PROM1: variants seen among roughly 807,000 people sequenced by gnomAD.
PROM1 encodes prominin 1.
PROM1 carries 105 observed loss-of-function variants against 116.9 expected under a neutral mutation model. The observed-to-expected ratio is 0.90, with a 90% confidence interval of 0.77 to 1.06. The LOEUF is 1.06. PROM1 is among the 50% of genes least tolerant of loss of function. The pLI is 0.00. For synonymous variants in PROM1, 393 were observed against 387.0 expected, an observed-to-expected ratio of 1.02 and a Z score of -0.18; for missense variants, 1,122 against 1,045.2, an observed-to-expected ratio of 1.07 and a Z score of -1.01.
At chr4:15,979,987 T>G in intron 24 of PROM1, 83 bp from the exon 25 acceptor site, 1 of 840,114 alleles carries the variant, frequency 1.2e-6, no homozygotes, top group Non-Finnish European at 1.9e-6. Flanking sequence ...AAATATTTAC[T>G]CTAACACGGA....
intron 2 of PROM1, among the ~76,000 whole-genome samples, chr4:16,060,310 C>CTT (rs5856330): frequency 0.011 from 1,555 of 146,612 alleles, 20 homozygotes; most frequent in African/African-American, 0.035. Flanking sequence ...CAAATAATTC[C>CTT]TTTTTTTTTT....
chr4:16,048,922 G>A (rs1737193276), intron 2 of PROM1, among the ~76,000 whole-genome samples: 2 of 152,198 alleles, frequency 1.3e-5, no homozygotes, highest in Admixed American at 1.3e-4. Flanking sequence ...TTCCTTTAGA[G>A]GAAGCGAGTA....
rs1723490529 is a variant in PROM1, at chr4:16,000,496, C to T, written c.1578G>A (p.Arg526=). 1 of 1,582,292 alleles carries T rather than the reference C, an allele frequency of 6.3e-7. No homozygotes were observed. The highest frequency in any genetic ancestry group is 8.7e-7 in the Non-Finnish European group (1 of 1,155,582). The change falls in exon 14 of 28, where the codon CGG becomes CGA. Residue 526 remains arginine (R), a splice_region_variant and synonymous_variant. Coordinates refer to ENST00000447510, the MANE Select transcript of PROM1 (RefSeq NM_006017.3). ...ATAATGGGTAGAAAATCATATTTAC[C>T]CGGAATAATTCCTTGCTCGTGTAAG... ...CEPYTSKELF[R]VLDTPYLLNE...
At chr4:16,073,879 A>AT (rs1187941929) in intron 2 of PROM1, among the ~76,000 whole-genome samples, 3 of 152,288 alleles carry the variant, frequency 2.0e-5, no homozygotes, top group African/African-American at 7.2e-5. Context: ...GCTTTTCCTT[A>AT]TTAAAAAAAA....
rs115191060 is a variant in PROM1 at position 15,980,553 on chromosome 4, C to T, written c.2374-16G>A. ...AAAACAAATTCTAGGAAAAAAAAAT[C>T]AGAAGAATTAAATGTTTGAAGATAA... On this transcript the variant is annotated splice_polypyrimidine_tract_variant and intron_variant, in intron 23 of 27. Coordinates refer to ENST00000447510, the MANE Select transcript of PROM1 (RefSeq NM_006017.3). 5.4e-4 allele frequency: 780 copies of T among 1,437,212 alleles called. 6 individuals carry two copies. The African/African-American group carries it at 9.9e-3, about 18-fold the overall frequency. 89.0% of individuals were successfully genotyped at this position (1,437,212 alleles called of 1,614,324 possible). A position where few individuals can be genotyped will look rare whatever the true frequency, so the allele number is the denominator to read the frequency against.
chr4:15,979,921 AGGGAGATAAAATTAAT>A lies in PROM1; in HGVS notation c.2490-33_2490-18del, dbSNP rs753576752. ...GTTTCAACACTATAAAATACAAAAAAGGGAGATAAAATTAATTTTTTTAATTATTATGAAAGCTCAG... is the reference window on the plus strand; with the variant it reads ...GTTTCAACACTATAAAATACAAAAAATTTTTTAATTATTATGAAAGCTCAG... On this transcript the variant is annotated intron_variant, in intron 24 of 27. Transcript: ENST00000447510. 4 of 1,347,130 alleles carry A rather than the reference AGGGAGATAAAATTAAT, an allele frequency of 3.0e-6. No individual in the cohort carries two copies. The South Asian group carries it at 5.7e-5, about 19-fold the overall frequency. The allele number at this position is 1,347,130 out of a possible 1,614,324, so 83.4% of individuals were successfully genotyped here.
chr4:16,059,220 C>A (rs1478972280), intron 2 of PROM1, among the ~76,000 whole-genome samples: 1 of 152,204 alleles, frequency 6.6e-6, no homozygotes, highest in Non-Finnish European at 1.5e-5. Flanking sequence ...TCCTGCTCTG[C>A]CCACTCACAA....
intron 22 of PROM1, 128 bp downstream of exon 22, chr4:15,985,632 A>G: frequency 1.3e-6 from 1 of 759,132 alleles, no homozygotes; most frequent in Non-Finnish European, 2.2e-6. Flanking sequence ...CCTGCACATC[A>G]ATGTCCTTTC....
intron 2 of PROM1, among the ~76,000 whole-genome samples, chr4:16,059,318 T>C (rs1402863287): frequency 2.0e-5 from 3 of 152,196 alleles, no homozygotes; most frequent in African/African-American, 7.2e-5. Flanking sequence ...CACAAGACAG[T>C]AGACAAAATT....
chr4:15,985,573 C>T, intron 22 of PROM1, 187 bp downstream of exon 22: 1 of 600,086 alleles, frequency 1.7e-6, no homozygotes. Flanking sequence ...CAAAGGGGAC[C>T]AGGAGGTGGC....
chr4:16,018,936 T>G (rs1442947777), intron 8 of PROM1, among the ~76,000 whole-genome samples: 1 of 152,178 alleles, frequency 6.6e-6, no homozygotes, highest in Non-Finnish European at 1.5e-5. Flanking sequence ...CCCAGATATA[T>G]TTTAGCTCTA....
chr4:16,055,757 T>C (rs1026166966), intron 2 of PROM1, among the ~76,000 whole-genome samples: 8 of 152,182 alleles, frequency 5.3e-5, no homozygotes, highest in African/African-American at 1.9e-4. Context: ...TACAATTCCA[T>C]TTTCTAAATA....
chr4:16,038,262 A>T (rs960066470), intron 3 of PROM1, among the ~76,000 whole-genome samples: 7 of 152,166 alleles, frequency 4.6e-5, no homozygotes, highest in Non-Finnish European at 1.0e-4. Flanking sequence ...TTTTTAACAA[A>T]CGATGTTTTA....
rs1303337087 is a variant in PROM1 at position 16,076,096 on chromosome 4, G to T, written c.-190C>A. The T allele has an allele frequency of 1.7e-6, 2 of 1,208,900 alleles. No homozygotes were observed. Among genetic ancestry groups the T allele is most frequent in the Non-Finnish European group, 2.2e-6 (2 of 902,356 alleles). The allele number at this position is 1,208,900 out of a possible 1,614,324, so 74.9% of individuals were successfully genotyped here. On this transcript the variant is annotated 5_prime_UTR_variant, in exon 2 of 28. Transcript: ENST00000447510. ...ATGCGGAAGAATGTTCTCCAAGGGGGTCATTCACTCAAGGCACCATCCCTG... is the reference window on the plus strand; with the variant it reads ...ATGCGGAAGAATGTTCTCCAAGGGGTTCATTCACTCAAGGCACCATCCCTG...
intron 22 of PROM1, among the ~76,000 whole-genome samples, chr4:15,985,255 T>C (rs1394158186): frequency 6.6e-6 from 1 of 152,212 alleles, no homozygotes; most frequent in Non-Finnish European, 1.5e-5. Flanking sequence ...AATAACTATA[T>C]CTTTTATATA....
chr4:15,984,787 C>T (rs776055503), intron 22 of PROM1, among the ~76,000 whole-genome samples: 6 of 152,228 alleles, frequency 3.9e-5, no homozygotes, highest in South Asian at 4.1e-4. Context: ...ACTGATTCTA[C>T]ACTGTGGTGA....
At chr4:16,013,200 C>A in intron 11 of PROM1, 75 bp downstream of exon 11, 2 of 1,158,998 alleles carry the variant, frequency 1.7e-6, no homozygotes, top group Admixed American at 4.0e-5. Flanking sequence ...AGGAAAAGAA[C>A]AATGCAATAC....
chr4:15,977,246 G>C (rs1406157874), intron 26 of PROM1, among the ~76,000 whole-genome samples: 1 of 152,172 alleles, frequency 6.6e-6, no homozygotes, highest in Non-Finnish European at 1.5e-5. Flanking sequence ...TCTTAGAACA[G>C]AGAGTACTTT....
At chr4:15,999,615 C>T (rs998297328) in intron 14 of PROM1, among the ~76,000 whole-genome samples, 4 of 152,080 alleles carry the variant, frequency 2.6e-5, no homozygotes, top group African/African-American at 4.8e-5. Flanking sequence ...TTGAATGATT[C>T]GACACTCTAC....
Sources: allele counts gnomAD v4.1 joint callset (sites outside exome capture counted in the v4.1 genomes callset), GRCh38; gene constraint gnomAD v4.1.1; transcripts MANE v1.5; gene names NCBI Gene and HGNC (gene_info 2026-07-23, HGNC 2026-07-21).